Variants in KCNN2 observed in about 807,000 individuals in gnomAD.
KCNN2 encodes small conductance calcium-activated potassium channel protein 2.
In KCNN2, 24 loss-of-function variants were observed where a neutral mutation model predicts 55.5. That is an observed-to-expected ratio of 0.43 (90% CI 0.31 to 0.61). The LOEUF is 0.61. Ranked by LOEUF, KCNN2 falls within the 20% of genes least tolerant of loss-of-function variation. KCNN2 has a pLI of 0.08. For missense variants in KCNN2, 754 were observed against 853.6 expected (o/e 0.88, Z 1.45); for synonymous variants, 431 against 336.1 (o/e 1.28, Z -3.09).
intron 5 of KCNN2, among the ~76,000 whole-genome samples, chr5:114,476,280 C>A (rs1761962853): frequency 6.7e-6 from 1 of 150,264 alleles, no homozygotes; most frequent in Non-Finnish European, 1.5e-5. Flanking sequence ...CACATATACA[C>A]CATGGAATAC....
chr5:114,082,527 T>A (rs1427067542), intron 1 of KCNN2, among the ~76,000 whole-genome samples: 2 of 152,126 alleles, frequency 1.3e-5, no homozygotes, highest in Non-Finnish European at 2.9e-5. Flanking sequence ...GAAAATAGTA[T>A]GGAAGTTCCT....
chr5:114,146,287 C>A (rs964959694), intron 1 of KCNN2, among the ~76,000 whole-genome samples: 4 of 152,096 alleles, frequency 2.6e-5, no homozygotes, highest in African/African-American at 9.7e-5. Context: ...AACTCCTTAT[C>A]CCCCTCTTTT....
chr5:114,076,176 C>G (rs1750681730), intron 1 of KCNN2, among the ~76,000 whole-genome samples: 1 of 152,212 alleles, frequency 6.6e-6, no homozygotes, highest in African/African-American at 2.4e-5. Flanking sequence ...GTGTAATACT[C>G]TTGGCCTCCA....
At chr5:114,249,139 A>G (rs903779968) in intron 2 of KCNN2, among the ~76,000 whole-genome samples, 3 of 152,174 alleles carry the variant, frequency 2.0e-5, no homozygotes, top group Non-Finnish European at 4.4e-5. Context: ...ATAGCAAGAC[A>G]TTCTCTAAGT....
At chr5:114,483,273 C>CTTTTTT (rs34472228) in intron 5 of KCNN2, among the ~76,000 whole-genome samples, 1 of 108,034 alleles carries the variant, frequency 9.3e-6, no homozygotes, top group Non-Finnish European at 1.9e-5. Context: ...TTCTTTCTTT[C>CTTTTTT]TTTTTTTTTT....
At chr5:114,216,719 A>G (rs1425417256) in intron 1 of KCNN2, among the ~76,000 whole-genome samples, 2 of 152,132 alleles carry the variant, frequency 1.3e-5, no homozygotes, top group African/African-American at 2.4e-5. Flanking sequence ...CAAAGCAAGA[A>G]TGTCCCTTCT....
At chr5:114,388,201 CATT>C (rs767616755) in intron 2 of KCNN2, among the ~76,000 whole-genome samples, 48 of 152,040 alleles carry the variant, frequency 3.2e-4, no homozygotes, top group South Asian at 1.0e-3. Context: ...TTATTTCTGA[CATT>C]ATTTTGGGTT....
intron 3 of KCNN2, among the ~76,000 whole-genome samples, chr5:114,451,083 G>A (rs774677096): frequency 6.6e-6 from 1 of 152,178 alleles, no homozygotes; most frequent in Non-Finnish European, 1.5e-5. Flanking sequence ...TAAGATTTGA[G>A]ACTTTTAACT....
chr5:114,476,206 G>C (rs935540245), intron 5 of KCNN2, among the ~76,000 whole-genome samples: 2 of 121,036 alleles, frequency 1.7e-5, no homozygotes, highest in African/African-American at 3.3e-5. Context: ...ACAGTCCCCA[G>C]AGTGTGATAT....
chr5:114,336,276 G>A (rs981003824), intron 2 of KCNN2, among the ~76,000 whole-genome samples: 13 of 152,168 alleles, frequency 8.5e-5, no homozygotes, highest in African/African-American at 3.1e-4. Context: ...AAGAACATAG[G>A]AAATTATTAT....
At chr5:114,277,123 T>G (rs1178560368) in intron 2 of KCNN2, among the ~76,000 whole-genome samples, 1 of 152,216 alleles carries the variant, frequency 6.6e-6, no homozygotes, top group Non-Finnish European at 1.5e-5. Flanking sequence ...TATGAAATTC[T>G]GGGTTGAAAA....
At chr5:114,136,114 A>T (rs1376319780) in intron 1 of KCNN2, among the ~76,000 whole-genome samples, 2 of 152,234 alleles carry the variant, frequency 1.3e-5, no homozygotes, top group African/African-American at 4.8e-5. Flanking sequence ...AAACCAAAGC[A>T]TAGCATCATG....
chr5:114,229,504 A>G (rs1406988641), intron 2 of KCNN2, among the ~76,000 whole-genome samples: 1 of 151,996 alleles, frequency 6.6e-6, no homozygotes, highest in Non-Finnish European at 1.5e-5. Flanking sequence ...TGAAAATTCT[A>G]AAAGTTTTTC....
rs892981307 is a variant in KCNN2 at position 114,362,708 on chromosome 5, A to C, written c.569A>C (p.His190Pro). ...CTCTCGCACCACCACCACCACCCGC[A>C]CCCGGCGCACCACCAGCACCACCAG... Reference protein sequence around the residue: ...PPLSHHHHHPHPAHHQHHQPQ... With the variant: ...PPLSHHHHHPPPAHHQHHQPQ... The change falls in exon 1 of 8, where the codon CAC (histidine) becomes CCC (proline). Residue 190 changes from histidine to proline, a missense_variant. Physicochemically the swap from His to Pro is moderately conservative, Grantham distance 77. Coordinates refer to ENST00000673685, the MANE Select transcript of KCNN2 (RefSeq NM_021614.4). The C allele has an allele frequency of 6.7e-7, 1 of 1,494,332 alleles. No individual in the cohort carries two copies. The highest frequency in any genetic ancestry group is 8.8e-7 in the Non-Finnish European group (1 of 1,131,336). 92.6% of individuals were successfully genotyped at this position (1,494,332 alleles called of 1,614,324 possible). A position where few individuals can be genotyped will look rare whatever the true frequency, so the allele number is the denominator to read the frequency against.
chr5:114,256,945 T>C (rs1754994168), intron 2 of KCNN2, among the ~76,000 whole-genome samples: 1 of 152,220 alleles, frequency 6.6e-6, no homozygotes, highest in Admixed American at 6.5e-5. Context: ...CCTAGGACAA[T>C]GTCCCAAAGA....
chr5:114,313,740 C>T (rs962894371), intron 2 of KCNN2, among the ~76,000 whole-genome samples: 3 of 152,156 alleles, frequency 2.0e-5, no homozygotes, highest in African/African-American at 7.2e-5. Flanking sequence ...TCTGTTTCCT[C>T]TCTTTAACTC....
intron 2 of KCNN2, among the ~76,000 whole-genome samples, chr5:114,233,021 C>T (rs544548665): frequency 2.8e-4 from 38 of 137,472 alleles, no homozygotes; most frequent in Non-Finnish European, 5.1e-4. Flanking sequence ...CCCGGGTTCA[C>T]GCCATTCTCC....
At chr5:114,341,687 G>C (rs987716680) in intron 2 of KCNN2, among the ~76,000 whole-genome samples, 16 of 151,918 alleles carry the variant, frequency 1.1e-4, no homozygotes, top group Admixed American at 7.2e-4. Flanking sequence ...AAATAAAAAA[G>C]ACATTTCTAT....
At chr5:114,473,280 G>A in intron 5 of KCNN2, 116 bp downstream of exon 5, 1 of 709,436 alleles carries the variant, frequency 1.4e-6, no homozygotes, top group Non-Finnish European at 2.5e-6. Context: ...GAAAGTATAG[G>A]CATTCTTGGA....
Sources: allele counts gnomAD v4.1 joint callset (sites outside exome capture counted in the v4.1 genomes callset), GRCh38; gene constraint gnomAD v4.1.1; transcripts MANE v1.5; gene names NCBI Gene and HGNC (gene_info 2026-07-23, HGNC 2026-07-21).